The following SAMD4B variants were observed in gnomAD, a reference collection of about 807,000 sequenced individuals.
The protein encoded by SAMD4B is sterile alpha motif domain containing 4B.
In SAMD4B, 5 loss-of-function variants were observed where a neutral mutation model predicts 74.5. The observed-to-expected ratio is 0.07, with a 90% CI of 0.04 to 0.14. The LOEUF (loss-of-function observed/expected upper bound fraction) is 0.14. Among genes scored for constraint, SAMD4B ranks in the 10% least tolerant of loss-of-function variants. SAMD4B has a pLI of 1.00. For missense variants in SAMD4B, 608 were observed against 921.8 expected (o/e 0.66, Z 4.41); for synonymous variants, 373 against 374.9 (o/e 1.00, Z 0.06).
chr19:39,371,210 CAA>C lies in SAMD4B; in HGVS notation c.667+1086_667+1087del, dbSNP rs764031445. Among the ~76,000 whole-genome samples, 12 of 152,262 alleles carry C rather than the reference CAA, an allele frequency of 7.9e-5. No individual in the cohort carries two copies. The East Asian group carries it at 9.6e-4, about 12-fold the overall frequency. ...CAGCAGGCACTGGTTTAAAGCAAGACAAGAGAGAGTGACAGTGAAATGTCACA... is the reference window on the plus strand; with the variant it reads ...CAGCAGGCACTGGTTTAAAGCAAGACGAGAGAGTGACAGTGAAATGTCACA... On this transcript the variant is annotated intron_variant, in intron 4 of 13. Coordinates refer to ENST00000610417, the MANE Select transcript of SAMD4B (RefSeq NM_001384574.2).
At chr19:39,343,577 C>T (rs1367518390) in intron 1 of SAMD4B, among the ~76,000 whole-genome samples, 3 of 151,474 alleles carry the variant, frequency 2.0e-5, no homozygotes, top group Non-Finnish European at 4.4e-5. Flanking sequence ...CCTGTCTCCC[C>T]CTGGTCTCAC....
chr19:39,362,452 A>G (rs1403577592), intron 3 of SAMD4B, among the ~76,000 whole-genome samples: 1 of 152,196 alleles, frequency 6.6e-6, no homozygotes, highest in Non-Finnish European at 1.5e-5. Flanking sequence ...GAAGTCCTCC[A>G]GCACAGGCAG....
chr19:39,346,385 T>C (rs1462030816), intron 1 of SAMD4B, among the ~76,000 whole-genome samples: 1 of 152,188 alleles, frequency 6.6e-6, no homozygotes, highest in Non-Finnish European at 1.5e-5. Flanking sequence ...CTCTCACCCA[T>C]GGTATCTCTT....
At chr19:39,344,694 A>C (rs542258166) in intron 1 of SAMD4B, among the ~76,000 whole-genome samples, 10 of 152,234 alleles carry the variant, frequency 6.6e-5, no homozygotes, top group Non-Finnish European at 1.0e-4. Context: ...ATCCCTTCAG[A>C]GGTCCCCAAC....
intron 1 of SAMD4B, among the ~76,000 whole-genome samples, chr19:39,346,373 A>G (rs1192109587): frequency 6.6e-6 from 1 of 152,194 alleles, no homozygotes; most frequent in Non-Finnish European, 1.5e-5. Context: ...AAGCCTCCTC[A>G]TCTCTCACCC....
intron 2 of SAMD4B, among the ~76,000 whole-genome samples, 177 bp downstream of exon 2, chr19:39,354,243 C>T (rs1210126660): frequency 6.6e-6 from 1 of 152,224 alleles, no homozygotes; most frequent in African/African-American, 2.4e-5. Flanking sequence ...GAGTCATCTA[C>T]CCTGCTTTTC....
intron 3 of SAMD4B, among the ~76,000 whole-genome samples, chr19:39,362,673 A>G (rs909856072): frequency 1.3e-5 from 2 of 152,168 alleles, no homozygotes; most frequent in African/African-American, 4.8e-5. Context: ...GACTTGGACC[A>G]GAAGGCTGTT....
chr19:39,347,089 T>C (rs2075748901), intron 1 of SAMD4B, among the ~76,000 whole-genome samples: 1 of 152,230 alleles, frequency 6.6e-6, no homozygotes, highest in African/African-American at 2.4e-5. Context: ...TGGCTTTTGT[T>C]ACTGGAAAGT....
rs976836599 is a variant in SAMD4B, at chr19:39,362,594, C to T, written c.196+5505C>T. Among the ~76,000 whole-genome samples the T allele has an allele frequency of 2.6e-5, 4 of 152,144 alleles. No homozygotes were observed. In the East Asian group the frequency reaches 7.7e-4, roughly 29 times the overall value. ...CTTGTTGTAATCCCTGTTTGTTCTC[C>T]AGGTGCTGTCTTCCCTGCCTCTTTG... On this transcript the variant is annotated intron_variant, in intron 3 of 13. Transcript: ENST00000610417.
At chr19:39,386,203 C>T, downstream of SAMD4B, 2 of 1,614,188 alleles carry the variant, frequency 1.2e-6, no homozygotes, top group East Asian at 2.2e-5. This position sits in a 1 kb window ranked among gnomAD's most constrained non-coding sequence, Gnocchi z 6.1. Context: ...TCGGCATCGT[C>T]CTCAGAATCA....
Position 39,383,908 on chromosome 19 carries a change from C to T in SAMD4B, c.*381C>T. 1 of 590,328 alleles carries T rather than the reference C, an allele frequency of 1.7e-6. No individual in the cohort carries two copies. The highest frequency in any genetic ancestry group is 2.8e-5 in the East Asian group (1 of 35,802). The allele number at this position is 590,328 out of a possible 1,614,324, so 36.6% of individuals were successfully genotyped here. On this transcript the variant is annotated 3_prime_UTR_variant, in exon 14 of 14. Transcript: ENST00000610417. The surrounding 1 kb of genome is among the most constrained non-coding windows in gnomAD (Gnocchi z 4.1). The stretch of plus-strand genomic sequence containing the variant: ...TCCCCAGAGACAAACTGACCACTAC[C>T]TTGTGGAGCCTGCTCAGAAACATTT...
At chr19:39,387,148 C>T (rs1307793168), downstream of SAMD4B, 1 of 432,828 alleles carries the variant, frequency 2.3e-6, no homozygotes, top group South Asian at 2.0e-5. Context: ...ATAGTATAGC[C>T]TACTACATAC....
chr19:39,348,642 A>G (rs1189532349), intron 1 of SAMD4B, among the ~76,000 whole-genome samples: 1 of 152,204 alleles, frequency 6.6e-6, no homozygotes, highest in Non-Finnish European at 1.5e-5. Flanking sequence ...AAACTATTAG[A>G]AGGGAGTTTT....
chr19:39,390,243 A>G (rs771320178), downstream of SAMD4B: 2 of 1,613,850 alleles, frequency 1.2e-6, no homozygotes, highest in Non-Finnish European at 1.7e-6. Context: ...CTCCTGGGAA[A>G]GCACAGTGGG....
downstream of SAMD4B, chr19:39,389,165 C>T (rs1189343183): frequency 2.5e-6 from 4 of 1,614,162 alleles, no homozygotes; most frequent in African/African-American, 4.0e-5. The surrounding 1 kb of genome is among the most constrained non-coding windows in gnomAD (Gnocchi z 5.3). Context: ...ATATTTCTTC[C>T]TCGGTAAACT....
At chr19:39,381,854 C>T (rs1405151681) in intron 12 of SAMD4B, among the ~76,000 whole-genome samples, 1 of 152,186 alleles carries the variant, frequency 6.6e-6, no homozygotes, top group Non-Finnish European at 1.5e-5. Context: ...ATCGCTTGAG[C>T]CCAGGAGGTC....
At position 39,373,172 on chromosome 19, in the gene SAMD4B, C is replaced by T. The variant is rs1260412507; in HGVS notation, c.668-2478C>T. 2.0e-5 allele frequency among the ~76,000 whole-genome samples: 3 copies of T among 152,146 alleles called. No homozygotes were observed. The East Asian group carries it at 5.8e-4, about 29-fold the overall frequency. On this transcript the variant is annotated intron_variant, in intron 4 of 13. Transcript: ENST00000610417. Reference sequence around the variant, plus strand: ...GGCTCTGTCTCAGCCTGTCAACTCCCGTGGGAACTGGGGCAAAGGGCTTCA... The same window carrying T: ...GGCTCTGTCTCAGCCTGTCAACTCCTGTGGGAACTGGGGCAAAGGGCTTCA...
intron 3 of SAMD4B, among the ~76,000 whole-genome samples, chr19:39,367,797 C>T (rs2145639165): frequency 6.6e-6 from 1 of 151,034 alleles, no homozygotes; most frequent in African/African-American, 2.4e-5. Context: ...GCGTGAGCCA[C>T]CACGCCCAGT....
chr19:39,346,608 C>T (rs533871896), intron 1 of SAMD4B, among the ~76,000 whole-genome samples: 7 of 152,258 alleles, frequency 4.6e-5, no homozygotes, highest in Admixed American at 1.3e-4. Flanking sequence ...CTACCATTAT[C>T]CTCATTTTGC....
Sources: gnomAD v4.1 joint callset for allele counts (sites outside exome capture counted in the v4.1 genomes callset) on GRCh38, gnomAD v4.1.1 for gene constraint, Gnocchi (gnomAD v3.1) non-coding constraint, MANE v1.5 for transcripts, NCBI Gene and HGNC (gene_info 2026-07-23, HGNC 2026-07-21) for gene names.